PDE1A: variants seen among roughly 807,000 people sequenced by gnomAD.
PDE1A encodes dual specificity calcium/calmodulin-dependent 3',5'-cyclic nucleotide phosphodiesterase 1A.
Under a neutral mutation model 61.7 loss-of-function variants are expected in PDE1A, and 35 were observed. The observed-to-expected ratio is 0.57, with a 90% CI of 0.43 to 0.75. The LOEUF (loss-of-function observed/expected upper bound fraction) is 0.75, where lower values mean the gene tolerates loss of function less well. Ranked by LOEUF, PDE1A falls within the 30% of genes least tolerant of loss-of-function variation. PDE1A has a pLI of 0.00. For missense variants in PDE1A, 597 were observed against 630.6 expected, an observed-to-expected ratio of 0.95 and a Z score of 0.57; for synonymous variants, 232 against 213.2, an observed-to-expected ratio of 1.09 and a Z score of -0.77.
At chr2:182,683,328 C>T in the PDE1A span, among the ~76,000 whole-genome samples, 12 of 152,020 alleles carry the variant, frequency 7.9e-5, no homozygotes, top group Admixed American at 5.2e-4. Context: ...CCACCCACCT[C>T]GGCCTCCCAA....
At chr2:182,516,781 GAAAA>G (rs1234284895) in intron 2 of PDE1A, among the ~76,000 whole-genome samples, 3 of 113,182 alleles carry the variant, frequency 2.7e-5, no homozygotes, top group East Asian at 5.8e-4. Context: ...AAGAAAGAAA[GAAAA>G]AGAAAGAAAG....
chr2:182,667,322 G>T, the PDE1A span, among the ~76,000 whole-genome samples: 1 of 152,114 alleles, frequency 6.6e-6, no homozygotes, highest in African/African-American at 2.4e-5. Flanking sequence ...AACAAATATG[G>T]CTGCTTTATC....
the PDE1A span, among the ~76,000 whole-genome samples, chr2:182,648,702 T>TAAA: frequency 2.4e-5 from 3 of 122,914 alleles, no homozygotes; most frequent in Non-Finnish European, 3.4e-5. Context: ...CCTGTCTCTT[T>TAAA]AAAAAAAAAA....
the PDE1A span, among the ~76,000 whole-genome samples, chr2:182,653,580 G>A: frequency 5.9e-5 from 9 of 152,194 alleles, no homozygotes; most frequent in African/African-American, 1.4e-4. Flanking sequence ...CAGAAACCCC[G>A]TTATCAAGGA....
At chr2:182,250,492 T>A (rs1691315414) in intron 2 of PDE1A, among the ~76,000 whole-genome samples, 1 of 152,228 alleles carries the variant, frequency 6.6e-6, no homozygotes, top group African/African-American at 2.4e-5. Context: ...GAAGCATGTT[T>A]ATTTATTCCC....
the PDE1A span, among the ~76,000 whole-genome samples, chr2:182,636,479 T>C: frequency 6.6e-6 from 1 of 152,320 alleles, no homozygotes; most frequent in South Asian, 2.1e-4. Context: ...AAATATGATT[T>C]AAATCACCCA....
At chr2:182,567,750 C>T in the PDE1A span, among the ~76,000 whole-genome samples, 13 of 150,904 alleles carry the variant, frequency 8.6e-5, no homozygotes, top group Admixed American at 1.3e-4. Flanking sequence ...TTTTATATAA[C>T]GTATAAATCA....
intron 2 of PDE1A, among the ~76,000 whole-genome samples, chr2:182,251,220 T>C (rs1466686258): frequency 6.6e-6 from 1 of 152,200 alleles, no homozygotes; most frequent in Non-Finnish European, 1.5e-5. Context: ...ATTGGCTGTG[T>C]AGTTTTGGAA....
At chr2:182,363,952 T>G (rs1699664711) in intron 1 of PDE1A, among the ~76,000 whole-genome samples, 1 of 151,960 alleles carries the variant, frequency 6.6e-6, no homozygotes, top group Non-Finnish European at 1.5e-5. Context: ...ACCTCCAGAT[T>G]GAAAGGTATA....
At chr2:182,311,631 C>A (rs1695980130) in intron 1 of PDE1A, among the ~76,000 whole-genome samples, 1 of 152,074 alleles carries the variant, frequency 6.6e-6, no homozygotes, top group African/African-American at 2.4e-5. Flanking sequence ...AAGAATAGCT[C>A]ATGTTATGGC....
At chr2:182,455,522 G>A (rs945035707) in intron 2 of PDE1A, among the ~76,000 whole-genome samples, 1 of 152,142 alleles carries the variant, frequency 6.6e-6, no homozygotes, top group South Asian at 2.1e-4. Context: ...GTCCAACAAT[G>A]ATAGACTGGA....
At chr2:182,671,405 G>T in the PDE1A span, among the ~76,000 whole-genome samples, 1 of 140,166 alleles carries the variant, frequency 7.1e-6, no homozygotes, top group Admixed American at 7.5e-5. Context: ...AGCTAGGATG[G>T]TCTCAATTTC....
exon 8 of PDE1A, chr2:182,206,041 A>T: frequency 6.2e-7 from 1 of 1,610,208 alleles, no homozygotes; most frequent in Non-Finnish European, 8.5e-7. Flanking sequence ...CAGAGCGATC[A>T]TTATACAAAA....
the PDE1A span, among the ~76,000 whole-genome samples, chr2:182,629,165 G>A: frequency 7.2e-5 from 11 of 152,224 alleles, no homozygotes; most frequent in African/African-American, 2.6e-4. Flanking sequence ...CAACAATAAT[G>A]CAAGCTTGGA....
At chr2:182,588,347 G>A in the PDE1A span, among the ~76,000 whole-genome samples, 1 of 152,078 alleles carries the variant, frequency 6.6e-6, no homozygotes, top group African/African-American at 2.4e-5. Context: ...AGTGATTCTT[G>A]TCCATTGATC....
intron 1 of PDE1A, among the ~76,000 whole-genome samples, chr2:182,368,139 A>T (rs1344026968): frequency 6.6e-6 from 1 of 152,176 alleles, no homozygotes; most frequent in Admixed American, 6.6e-5. Flanking sequence ...CTCACATTTA[A>T]TATCACCTCA....
chr2:182,258,425 T>C (rs763495302), intron 2 of PDE1A, among the ~76,000 whole-genome samples: 1 of 152,072 alleles, frequency 6.6e-6, no homozygotes, highest in Non-Finnish European at 1.5e-5. Context: ...GACAGACTGG[T>C]GAAATAAGTA....
chr2:182,531,172 T>TA, the PDE1A span, among the ~76,000 whole-genome samples: 656 of 149,514 alleles, frequency 4.4e-3, 6 homozygotes, highest in African/African-American at 0.015. Flanking sequence ...AATAAAATTC[T>TA]AAAAAAAAAG....
At chr2:182,498,547 T>C (rs1688864100) in intron 2 of PDE1A, among the ~76,000 whole-genome samples, 1 of 151,922 alleles carries the variant, frequency 6.6e-6, no homozygotes, top group African/African-American at 2.4e-5. Context: ...AAAAAAGTTA[T>C]CAAATTAAAA....
Sources: allele counts gnomAD v4.1 joint callset (sites outside exome capture counted in the v4.1 genomes callset), GRCh38; gene constraint gnomAD v4.1.1; transcripts MANE v1.5; gene names NCBI Gene and HGNC (gene_info 2026-07-23, HGNC 2026-07-21).